The following ABCA10 variants were observed in gnomAD, a reference collection of about 807,000 sequenced individuals.
ABCA10 encodes ATP binding cassette subfamily A member 10, also known as ATP-binding cassette sub-family A member 10.
In ABCA10, 169 loss-of-function variants were observed where a neutral mutation model predicts 187.5. The observed-to-expected ratio is 0.90, with a 90% CI of 0.80 to 1.02. The LOEUF (loss-of-function observed/expected upper bound fraction) is 1.02. Ranked by LOEUF, ABCA10 falls within the 50% of genes least tolerant of loss-of-function variation. ABCA10 has a pLI of 0.00. For synonymous variants in ABCA10, 574 were observed against 601.8 expected (o/e 0.95, Z 0.68); for missense variants, 1,727 against 1,812.4 (o/e 0.95, Z 0.86).
chr17:69,217,448 A>G (rs2074714773), intron 6 of ABCA10, among the ~76,000 whole-genome samples: 1 of 152,148 alleles, frequency 6.6e-6, no homozygotes, highest in Non-Finnish European at 1.5e-5. Flanking sequence ...CTCACACAAA[A>G]ACCTGTATAT....
chr17:69,200,132 C>T (rs1346944508), intron 10 of ABCA10, among the ~76,000 whole-genome samples: 3 of 152,160 alleles, frequency 2.0e-5, no homozygotes, highest in African/African-American at 7.2e-5. Context: ...TTCAAAATAA[C>T]GTGAACTGAG....
intron 27 of ABCA10, among the ~76,000 whole-genome samples, chr17:69,157,783 A>C (rs563633002): frequency 6.6e-6 from 1 of 152,098 alleles, no homozygotes; most frequent in Non-Finnish European, 1.5e-5. Context: ...GGACATCCTT[A>C]AAGATAGAAA....
intron 3 of ABCA10, chr17:69,223,689 T>C: frequency 2.2e-6 from 1 of 444,810 alleles, no homozygotes; most frequent in Non-Finnish European, 4.5e-6. Context: ...ATGAGGACAG[T>C]GCTAACATCA....
At chr17:69,230,520 G>A (rs2074825394), upstream of ABCA10, among the ~76,000 whole-genome samples, 1 of 151,988 alleles carries the variant, frequency 6.6e-6, no homozygotes, top group Admixed American at 6.6e-5. Flanking sequence ...TAATTATACA[G>A]TTCTGCTACA....
intron 8 of ABCA10, chr17:69,215,614 T>G (rs916664111): frequency 6.4e-6 from 3 of 468,686 alleles, no homozygotes; most frequent in African/African-American, 6.1e-5. Flanking sequence ...TCTTTAAATT[T>G]GCTAGGATTT....
chr17:69,148,959 G>A (rs1443636967), intron 38 of ABCA10, 34 bp from the exon 39 acceptor site: 2 of 1,612,446 alleles, frequency 1.2e-6, no homozygotes, highest in African/African-American at 1.3e-5. Flanking sequence ...ATACAAAAAT[G>A]TCAGGGTGTG....
chr17:69,179,432 T>C (rs1014085440), intron 22 of ABCA10, among the ~76,000 whole-genome samples: 2 of 152,184 alleles, frequency 1.3e-5, no homozygotes, highest in Non-Finnish European at 2.9e-5. Flanking sequence ...ACTGGCCACA[T>C]GAGACCCATT....
At chr17:69,205,854 G>A (rs7219371) in intron 9 of ABCA10, among the ~76,000 whole-genome samples, 12,715 of 152,128 alleles carry the variant, frequency 0.084, 1,842 homozygotes, top group African/African-American at 0.29. Flanking sequence ...ACATGAAAAT[G>A]TTGCCTATTA....
In ABCA10 at chr17:69,174,173, CA is replaced by C. The variant is rs554393300; in HGVS notation, c.3162+107del. 341 of 716,872 alleles carry C rather than the reference CA, an allele frequency of 4.8e-4. 2 individuals are homozygous for C. In the African/African-American group the frequency reaches 6.0e-3, roughly 13 times the overall value. The allele number at this position is 716,872 out of a possible 1,614,324, so 44.4% of individuals were successfully genotyped here. Reference sequence around the variant, plus strand: ...AATGAAAGTACAAAAGAAAAACAAACAAAAAACCCTCCATTCTCTTCTAAGC... The same window carrying C: ...AATGAAAGTACAAAAGAAAAACAAACAAAAACCCTCCATTCTCTTCTAAGC... On this transcript the variant is annotated intron_variant, in intron 25 of 38. Coordinates refer to ENST00000690296, the MANE Select transcript of ABCA10 (RefSeq NM_001377321.1).
intron 25 of ABCA10, among the ~76,000 whole-genome samples, chr17:69,171,693 A>G (rs372912854): frequency 6.6e-6 from 1 of 152,198 alleles, no homozygotes; most frequent in Non-Finnish European, 1.5e-5. Context: ...AGGTTAGTCA[A>G]TGAGAGAGCC....
At chr17:69,184,869 G>GTA (rs1411520782) in intron 20 of ABCA10, among the ~76,000 whole-genome samples, 20 of 137,378 alleles carry the variant, frequency 1.5e-4, no homozygotes, top group African/African-American at 5.2e-4. Flanking sequence ...GTGTGTGTGT[G>GTA]TGTATATATA....
Position 69,193,856 on chromosome 17 carries a change from A to C in ABCA10, c.1479T>G (p.Phe493Leu). The C allele has an allele frequency of 6.2e-7, 1 of 1,613,620 alleles. No homozygotes were observed. Among genetic ancestry groups the C allele is most frequent in the Non-Finnish European group, 8.5e-7 (1 of 1,179,764 alleles). The change falls in exon 13 of 39, where the codon TTT (phenylalanine) becomes TTG (leucine). Residue 493 changes from phenylalanine to leucine, a missense_variant. Physicochemically the swap from Phe to Leu is conservative, Grantham distance 22. Coordinates refer to ENST00000690296, the MANE Select transcript of ABCA10 (RefSeq NM_001377321.1). ...TTGGCTGAATCCCTTTTATTTTAGC[A>C]AATACCCTGAGGTTTTCTCTCACAG... Reference protein sequence around the residue: ...FLTVRENLRVFAKIKGIQPKE... With the variant: ...FLTVRENLRVLAKIKGIQPKE...
chr17:69,243,615 A>C (rs374738701), intron 1 of ABCA10, among the ~76,000 whole-genome samples: 11 of 152,204 alleles, frequency 7.2e-5, no homozygotes, highest in African/African-American at 2.4e-4. Context: ...CGATGCTTGA[A>C]GGCCAGGTAC....
intron 25 of ABCA10, among the ~76,000 whole-genome samples, chr17:69,165,600 C>A (rs1003611575): frequency 1.3e-5 from 2 of 152,114 alleles, no homozygotes; most frequent in African/African-American, 4.8e-5. Flanking sequence ...TAAAGGGCAG[C>A]CCATATCCCC....
chr17:69,187,995 G>A, intron 18 of ABCA10, 116 bp from the exon 19 acceptor site: 1 of 872,038 alleles, frequency 1.1e-6, no homozygotes. Context: ...TTAAGCTACT[G>A]ATATCCATAA....
In ABCA10 at chr17:69,190,427, C is replaced by A. The variant is rs1568061970; in HGVS notation, c.2062G>T (p.Ala688Ser). The A allele has an allele frequency of 6.3e-7, 1 of 1,587,258 alleles. No individual in the cohort carries two copies. Among genetic ancestry groups the A allele is most frequent in the Non-Finnish European group, 8.5e-7 (1 of 1,172,372 alleles). The change falls in exon 18 of 39, where the codon GCT becomes TCT. Residue 688 changes from alanine (A) to serine (S), a missense_variant. Physicochemically the swap from Ala to Ser is moderately conservative, Grantham distance 99. Coordinates refer to ENST00000690296, the MANE Select transcript of ABCA10 (RefSeq NM_001377321.1). ...KCSDQGIRNY[A>S]VSVTSLNEVF... ...TCATTCAGAGATGTCACTGAAACAG[C>A]ATAATTCCTTATGCCCTGGTCAGAA...
intron 22 of ABCA10, among the ~76,000 whole-genome samples, chr17:69,177,525 T>C (rs753330175): frequency 2.6e-5 from 4 of 152,182 alleles, no homozygotes; most frequent in Non-Finnish European, 5.9e-5. Context: ...TATAGGCATT[T>C]GAATCCTTCA....
At chr17:69,197,204 A>C in intron 10 of ABCA10, 82 bp from the exon 11 acceptor site, 1 of 1,109,964 alleles carries the variant, frequency 9.0e-7, no homozygotes, top group Non-Finnish European at 1.3e-6. Context: ...CTAAGCCTGA[A>C]CTTCACAGTA....
At chr17:69,152,340 G>C (rs978114601) in intron 35 of ABCA10, 22 bp downstream of exon 35, 2 of 1,606,874 alleles carry the variant, frequency 1.2e-6, no homozygotes, top group Admixed American at 1.7e-5. Flanking sequence ...CTAGTCCCAT[G>C]CTGGTCAGGA....
Sources: gnomAD v4.1 joint callset for allele counts (sites outside exome capture counted in the v4.1 genomes callset) on GRCh38, gnomAD v4.1.1 for gene constraint, MANE v1.5 for transcripts, NCBI Gene and HGNC (gene_info 2026-07-23, HGNC 2026-07-21) for gene names.